Variants in PRKD1 observed in about 807,000 individuals in gnomAD.
The protein encoded by PRKD1 is serine/threonine-protein kinase D1.
PRKD1 carries 63 observed loss-of-function variants against 95.9 expected under a neutral mutation model. The ratio of observed to expected loss-of-function variants is 0.66; its 90% CI spans 0.54 to 0.81. PRKD1 has a LOEUF of 0.81. Among genes scored for constraint, PRKD1 ranks in the 30% least tolerant of loss-of-function variants. The pLI is 0.00. For synonymous variants in PRKD1, 425 were observed against 423.1 expected, an observed-to-expected ratio of 1.00 and a Z score of -0.05; for missense variants, 1,048 against 1,165.3, an observed-to-expected ratio of 0.90 and a Z score of 1.47.
intron 1 of PRKD1, among the ~76,000 whole-genome samples, chr14:29,880,689 T>C (rs1893476987): frequency 6.6e-6 from 1 of 151,968 alleles, no homozygotes; most frequent in Non-Finnish European, 1.5e-5. Context: ...TGCTAGCCCA[T>C]GAAAGCAACC....
chr14:29,922,209 G>C (rs921920724), intron 1 of PRKD1, among the ~76,000 whole-genome samples: 4 of 151,318 alleles, frequency 2.6e-5, no homozygotes, highest in Admixed American at 1.3e-4. Context: ...GCTGAGGCAG[G>C]AGAATGCTGT....
chr14:29,598,879 G>A, intron 15 of PRKD1, 148 bp downstream of exon 15: 1 of 710,650 alleles, frequency 1.4e-6, no homozygotes, highest in Non-Finnish European at 2.3e-6. Flanking sequence ...CAAGGCCATA[G>A]TCCCAAAGTA....
chr14:29,774,683 C>A (rs935511736), intron 1 of PRKD1, among the ~76,000 whole-genome samples: 6 of 152,142 alleles, frequency 3.9e-5, no homozygotes, highest in Admixed American at 3.9e-4. Flanking sequence ...CCCACAGCAA[C>A]TATACAATTT....
chr14:29,885,047 C>T (rs182502955), intron 1 of PRKD1, among the ~76,000 whole-genome samples: 152 of 150,746 alleles, frequency 1.0e-3, no homozygotes, highest in African/African-American at 3.4e-3. Context: ...GGCGTGAACC[C>T]GGGAGGCGGA....
At chr14:29,836,867 G>A (rs1055410972) in intron 1 of PRKD1, among the ~76,000 whole-genome samples, 1 of 152,142 alleles carries the variant, frequency 6.6e-6, no homozygotes, top group African/African-American at 2.4e-5. Flanking sequence ...GAGTGAGCTA[G>A]ACAAGGTTAC....
intron 1 of PRKD1, among the ~76,000 whole-genome samples, chr14:29,881,104 T>C (rs1032064654): frequency 2.2e-4 from 34 of 152,172 alleles, no homozygotes; most frequent in African/African-American, 8.2e-4. Flanking sequence ...ACATGAGATT[T>C]GGAGGGGCCA....
intron 1 of PRKD1, among the ~76,000 whole-genome samples, chr14:29,922,776 CTT>C (rs1895166974): frequency 6.6e-6 from 1 of 152,014 alleles, no homozygotes. Context: ...GTCCCAAACA[CTT>C]GGGACGCTGT....
At chr14:29,749,089 A>G (rs749272634) in intron 1 of PRKD1, among the ~76,000 whole-genome samples, 4 of 152,188 alleles carry the variant, frequency 2.6e-5, no homozygotes, top group African/African-American at 7.2e-5. Flanking sequence ...ATTGTCTTTT[A>G]TGCTTTTCTG....
At chr14:29,622,372 C>CCTTCCTTT (rs1879327661) in intron 13 of PRKD1, among the ~76,000 whole-genome samples, 1 of 147,228 alleles carries the variant, frequency 6.8e-6, no homozygotes, top group Admixed American at 7.0e-5. Context: ...TTTCTCCCTT[C>CCTTCCTTT]CTTCCTTCCT....
intron 1 of PRKD1, among the ~76,000 whole-genome samples, chr14:29,899,340 G>A (rs534136416): frequency 8.4e-4 from 128 of 152,200 alleles, no homozygotes; most frequent in South Asian, 4.1e-3. Flanking sequence ...TACATTGGGA[G>A]GTTGTTCATA....
chr14:29,691,350 A>G (rs1471851400), intron 2 of PRKD1, among the ~76,000 whole-genome samples: 1 of 152,190 alleles, frequency 6.6e-6, no homozygotes, highest in Admixed American at 6.5e-5. Flanking sequence ...TCCATGCTGG[A>G]CCTATAGAAA....
At chr14:29,712,523 G>T (rs987214094) in intron 2 of PRKD1, among the ~76,000 whole-genome samples, 2 of 152,148 alleles carry the variant, frequency 1.3e-5, no homozygotes, top group Non-Finnish European at 2.9e-5. Flanking sequence ...GTATTAAAAT[G>T]TATGTACTAA....
At chr14:29,776,376 C>A (rs1272430790) in intron 1 of PRKD1, among the ~76,000 whole-genome samples, 1 of 152,050 alleles carries the variant, frequency 6.6e-6, no homozygotes, top group East Asian at 1.9e-4. Context: ...GAACCCATCA[C>A]AAAGAAGCTA....
At chr14:29,919,896 G>C (rs928576486) in intron 1 of PRKD1, among the ~76,000 whole-genome samples, 1 of 152,024 alleles carries the variant, frequency 6.6e-6, no homozygotes, top group Non-Finnish European at 1.5e-5. Context: ...AGCTTGGGAA[G>C]TTGAGGCTGC....
chr14:29,851,396 A>C (rs1892302240), intron 1 of PRKD1, among the ~76,000 whole-genome samples: 1 of 152,192 alleles, frequency 6.6e-6, no homozygotes, highest in South Asian at 2.1e-4. Context: ...AAAAACAAAA[A>C]CAAAACATTA....
intron 1 of PRKD1, among the ~76,000 whole-genome samples, chr14:29,885,124 T>TTAAAAAAAAAAAA (rs1232960518): frequency 1.5e-5 from 2 of 131,070 alleles, no homozygotes; most frequent in Admixed American, 7.9e-5. Context: ...CTCCATCTTT[T>TTAAAAAAAAAAAA]AAAAAAAAAA....
Position 29,619,086 on chromosome 14 carries a change from T to C in PRKD1, c.1905+5066A>G, listed in dbSNP as rs118161634. Among the ~76,000 whole-genome samples the C allele has an allele frequency of 4.8e-3, 736 of 152,274 alleles. 1 individual carries two copies. The highest frequency in any genetic ancestry group is 8.7e-3 in the Non-Finnish European group (591 of 68,018). ...CAAATGCTTCTGGATATTGCTTTTATATGCAGAGGAATAGAATTTTATTTC... is the reference window on the plus strand; with the variant it reads ...CAAATGCTTCTGGATATTGCTTTTACATGCAGAGGAATAGAATTTTATTTC... On this transcript the variant is annotated intron_variant, in intron 13 of 17. Transcript: ENST00000331968.
At position 29,638,932 on chromosome 14, in the gene PRKD1, C is replaced by G. The variant is rs775466413; in HGVS notation, c.697-28G>C. On this transcript the variant is annotated intron_variant, in intron 4 of 17. Transcript: ENST00000331968. ...ACATTTTGGAAAACAATAAAGGAAG[C>G]AAGATGTAAGAGGCTATTTGATTTA... The G allele has an allele frequency of 7.0e-6, 11 of 1,570,914 alleles. No homozygotes were observed. The East Asian group carries it at 2.5e-4, about 35-fold the overall frequency.
chr14:29,893,121 A>G (rs1162273638), intron 1 of PRKD1, among the ~76,000 whole-genome samples: 3 of 152,196 alleles, frequency 2.0e-5, no homozygotes, highest in Admixed American at 2.0e-4. Context: ...CAAAATGGAC[A>G]GATTAGTAAA....
Sources: allele counts gnomAD v4.1 joint callset (sites outside exome capture counted in the v4.1 genomes callset), GRCh38; gene constraint gnomAD v4.1.1; transcripts MANE v1.5; gene names NCBI Gene and HGNC (gene_info 2026-07-23, HGNC 2026-07-21).